Variants in HERC2 observed in about 807,000 individuals in gnomAD.
HERC2 encodes the protein E3 ubiquitin-protein ligase HERC2.
Under a neutral mutation model 537.7 loss-of-function variants are expected in HERC2, and 102 were observed. The observed-to-expected ratio is 0.19, with a 90% CI of 0.16 to 0.22. The LOEUF is 0.22. HERC2 is among the 10% of genes least tolerant of loss of function. The pLI is 1.00. For missense variants in HERC2, 4,236 were observed against 6,198.2 expected, an observed-to-expected ratio of 0.68 and a Z score of 10.63; for synonymous variants, 2,224 against 2,466.2, an observed-to-expected ratio of 0.90 and a Z score of 2.91.
intron 14 of HERC2, among the ~76,000 whole-genome samples, chr15:28,263,661 CA>C (rs1400764372): frequency 6.6e-6 from 1 of 152,092 alleles, no homozygotes; most frequent in Non-Finnish European, 1.5e-5. Flanking sequence ...AATGCAATTG[CA>C]AAAGTAAATA....
At chr15:28,242,135 G>A (rs371670194) in intron 23 of HERC2, among the ~76,000 whole-genome samples, 1 of 152,214 alleles carries the variant, frequency 6.6e-6, no homozygotes, top group Non-Finnish European at 1.5e-5. Context: ...GACACAGAAA[G>A]TAGAATGGTA....
chr15:28,317,270 G>C (rs2077114036), intron 2 of HERC2, among the ~76,000 whole-genome samples: 1 of 152,152 alleles, frequency 6.6e-6, no homozygotes, highest in African/African-American at 2.4e-5. Context: ...TGTATTTTTA[G>C]TAGAGACAGG....
At chr15:28,201,025 A>G (rs1897854368) in intron 48 of HERC2, among the ~76,000 whole-genome samples, 2 of 147,852 alleles carry the variant, frequency 1.4e-5, no homozygotes, top group Admixed American at 1.4e-4. Flanking sequence ...AGTAGAAAAC[A>G]GCCATCCCTG....
intron 68 of HERC2, among the ~76,000 whole-genome samples, chr15:28,163,727 A>G (rs1893849355): frequency 1.3e-5 from 2 of 152,120 alleles, no homozygotes; most frequent in Non-Finnish European, 2.9e-5. Context: ...TCTTTCCTGG[A>G]ATCTTATTTC....
intron 16 of HERC2, among the ~76,000 whole-genome samples, chr15:28,257,690 A>G (rs2075303078): frequency 6.6e-6 from 1 of 152,142 alleles, no homozygotes; most frequent in Non-Finnish European, 1.5e-5. Context: ...AACACTATGA[A>G]TAAACTGGAT....
At chr15:28,227,112 T>C (rs1317093807) in intron 35 of HERC2, among the ~76,000 whole-genome samples, 3 of 152,000 alleles carry the variant, frequency 2.0e-5, no homozygotes, top group Admixed American at 2.0e-4. Context: ...CCATCTCTAC[T>C]AAAAATATAA....
Position 28,132,779 on chromosome 15 carries a change from G to T in HERC2, c.12282C>A (p.Val4094=). ...TGTGGGCTCCGCCAGCAGCAACATC[G>T]ACCACTTCAATTCCTCTCAGAGACT... ...VIESLRGIEV[V]DVAAGGAHSA... Residue 4094 remains valine (V), a synonymous_variant, in exon 80 of 93, where the codon GTC becomes GTA. Coordinates refer to ENST00000261609, the MANE Select transcript of HERC2 (RefSeq NM_004667.6). 3.7e-6 allele frequency: 6 copies of T among 1,605,310 alleles called. No individual in the cohort carries two copies. The highest frequency in any genetic ancestry group is 1.1e-5 in the South Asian group (1 of 89,672).
chr15:28,260,773 G>A lies in HERC2; in HGVS notation c.2316+4C>T, dbSNP rs200138073. ...AATACCAAATCAAGCTCTATATTCA[G>A]TACCTGGGCAGGCCCACAGGCAATT... On this transcript the variant is annotated splice_donor_region_variant and intron_variant, in intron 16 of 92. Transcript: ENST00000261609. 6.2e-7 allele frequency: 1 copy of A among 1,612,990 alleles called. No individual in the cohort carries two copies. The highest frequency in any genetic ancestry group is 8.5e-7 in the Non-Finnish European group (1 of 1,179,254).
chr15:28,164,660 C>T (rs1395255875), intron 68 of HERC2, among the ~76,000 whole-genome samples: 1 of 152,072 alleles, frequency 6.6e-6, no homozygotes, highest in Non-Finnish European at 1.5e-5. Context: ...TAGCTTAATA[C>T]TAACATTAAA....
chr15:28,187,706 C>A (rs1896446630), intron 55 of HERC2, among the ~76,000 whole-genome samples: 1 of 152,174 alleles, frequency 6.6e-6, no homozygotes, highest in Admixed American at 6.5e-5. Context: ...CCCATATCAC[C>A]CAATATGCTA....
In HERC2 at chr15:28,265,509, G is replaced by T; in HGVS notation, c.1870+109C>A. 1.2e-6 allele frequency: 1 copy of T among 841,826 alleles called. No homozygotes were observed. The highest frequency in any genetic ancestry group is 1.9e-6 in the Non-Finnish European group (1 of 517,848). 52.1% of individuals were successfully genotyped at this position (841,826 alleles called of 1,614,324 possible). Reference sequence around the variant, plus strand: ...CCACTGAGCCCCACACCCACTGGGCGACAGGGTGGGTGGCCTCGTGAGGCC... The same window carrying T: ...CCACTGAGCCCCACACCCACTGGGCTACAGGGTGGGTGGCCTCGTGAGGCC... On this transcript the variant is annotated intron_variant, in intron 14 of 92. Coordinates refer to ENST00000261609, the MANE Select transcript of HERC2 (RefSeq NM_004667.6). This position sits in a 1 kb window ranked among gnomAD's most constrained non-coding sequence, Gnocchi z 4.0.
intron 4 of HERC2, 74 bp from the exon 5 acceptor site, chr15:28,280,361 G>T: frequency 8.1e-7 from 1 of 1,231,520 alleles, no homozygotes; most frequent in Non-Finnish European, 1.2e-6. Context: ...TGAGAAAATG[G>T]ATGATGACGA....
chr15:28,182,344 G>A (rs1895901613), intron 57 of HERC2, 57 bp downstream of exon 57: 8 of 1,035,602 alleles, frequency 7.7e-6, no homozygotes, highest in South Asian at 7.6e-5. Flanking sequence ...GAAACTTCAC[G>A]AGGTGTGGCT....
At chr15:28,275,302 TAAG>T (rs1320499512) in intron 5 of HERC2, among the ~76,000 whole-genome samples, 2 of 152,160 alleles carry the variant, frequency 1.3e-5, no homozygotes, top group Non-Finnish European at 2.9e-5. Flanking sequence ...AAGCAGACGA[TAAG>T]GAGATAAATA....
chr15:28,181,993 C>CTTCA (rs939983071), intron 57 of HERC2, among the ~76,000 whole-genome samples: 7 of 152,194 alleles, frequency 4.6e-5, no homozygotes, highest in Non-Finnish European at 1.5e-5. Flanking sequence ...GTGCAAGCTA[C>CTTCA]TTCACCCTGA....
rs1895419120 is a variant in HERC2 at position 28,177,590 on chromosome 15, G to A, written c.9164-81C>T. On this transcript the variant is annotated intron_variant, in intron 59 of 92. Coordinates refer to ENST00000261609, the MANE Select transcript of HERC2 (RefSeq NM_004667.6). The surrounding 1 kb of genome is among the most constrained non-coding windows in gnomAD (Gnocchi z 5.0). Reference sequence around the variant, plus strand: ...GCATAGCTAGCTCCCTATTTTGCCTGGCATATAGCACACACTCAATGAGCG... The same window carrying A: ...GCATAGCTAGCTCCCTATTTTGCCTAGCATATAGCACACACTCAATGAGCG... 8.1e-7 allele frequency: 1 copy of A among 1,233,032 alleles called. No individual in the cohort carries two copies. Among genetic ancestry groups the A allele is most frequent in the Non-Finnish European group, 1.2e-6 (1 of 835,616 alleles). The allele number at this position is 1,233,032 out of a possible 1,614,324, so 76.4% of individuals were successfully genotyped here.
At chr15:28,240,262 CA>C (rs964943739) in intron 23 of HERC2, among the ~76,000 whole-genome samples, 3 of 151,938 alleles carry the variant, frequency 2.0e-5, no homozygotes, top group African/African-American at 7.2e-5. Context: ...ACTAAAAATA[CA>C]AAAAATTAGC....
intron 68 of HERC2, among the ~76,000 whole-genome samples, chr15:28,166,346 T>G (rs181353642): frequency 2.0e-5 from 3 of 152,336 alleles, no homozygotes; most frequent in Admixed American, 1.3e-4. Context: ...AGAGTAGGAA[T>G]AAGCCCTGTG....
intron 38 of HERC2, among the ~76,000 whole-genome samples, chr15:28,216,382 T>A (rs1317273426): frequency 1.3e-5 from 2 of 151,734 alleles, no homozygotes; most frequent in African/African-American, 4.8e-5. Flanking sequence ...ATTAACAAAA[T>A]GAGTTTTTCA....
Sources: allele counts gnomAD v4.1 joint callset (sites outside exome capture counted in the v4.1 genomes callset), GRCh38; gene constraint gnomAD v4.1.1; non-coding constraint Gnocchi (gnomAD v3.1); transcripts MANE v1.5; gene names NCBI Gene and HGNC (gene_info 2026-07-23, HGNC 2026-07-21).